The following YWHAE variants were observed in gnomAD, a reference collection of about 807,000 sequenced individuals.
The protein encoded by YWHAE is tyrosine 3-monooxygenase/tryptophan 5-monooxygenase activation protein epsilon.
Under a neutral mutation model 30.1 loss-of-function variants are expected in YWHAE, and 4 were observed. The observed-to-expected ratio is 0.13, with a 90% CI of 0.07 to 0.30. The LOEUF is 0.30. YWHAE is among the 10% of genes least tolerant of loss of function. The pLI is 1.00. For missense variants in YWHAE, 121 were observed against 315.9 expected, an observed-to-expected ratio of 0.38 and a Z score of 4.68; for synonymous variants, 118 against 111.8, an observed-to-expected ratio of 1.06 and a Z score of -0.35.
chr17:1,374,535 C>A (rs1050879612), intron 1 of YWHAE, among the ~76,000 whole-genome samples: 1 of 152,042 alleles, frequency 6.6e-6, no homozygotes, highest in African/African-American at 2.4e-5. Context: ...GGAGCGGCAC[C>A]GTTTTTACAC....
intron 1 of YWHAE, among the ~76,000 whole-genome samples, chr17:1,388,117 G>GTTTTTTTTTTTTTTTTTTTTTT (rs1491196737): frequency 6.1e-5 from 4 of 65,110 alleles, no homozygotes; most frequent in Non-Finnish European, 7.0e-5. Context: ...TTTTTTGGTT[G>GTTTTTTTTTTTTTTTTTTTTTT]GTTTTTTTTT....
chr17:1,390,421 G>A (rs1376764496), intron 1 of YWHAE, among the ~76,000 whole-genome samples: 1 of 152,108 alleles, frequency 6.6e-6, no homozygotes, highest in Non-Finnish European at 1.5e-5. Flanking sequence ...AACTCAAAAA[G>A]GTAGGTTATC....
chr17:1,360,510 T>C (rs1297365068), intron 4 of YWHAE, among the ~76,000 whole-genome samples: 1 of 152,078 alleles, frequency 6.6e-6, no homozygotes, highest in Admixed American at 6.6e-5. Context: ...GCTTGTAATC[T>C]CAGCACTTTG....
chr17:1,357,381 G>C (rs371765556), intron 4 of YWHAE, among the ~76,000 whole-genome samples: 31 of 132,578 alleles, frequency 2.3e-4, no homozygotes, highest in East Asian at 4.4e-4. Flanking sequence ...CCAGCCTGGG[G>C]GACATAGCGA....
chr17:1,362,335 T>C (rs1219133776), intron 2 of YWHAE, among the ~76,000 whole-genome samples: 1 of 152,158 alleles, frequency 6.6e-6, no homozygotes, highest in Non-Finnish European at 1.5e-5. Context: ...TGCTTCTTGG[T>C]AAATGCTGGT....
chr17:1,358,829 T>A (rs77416158), intron 4 of YWHAE, among the ~76,000 whole-genome samples: 10,975 of 111,332 alleles, frequency 0.099, 1,738 homozygotes, highest in African/African-American at 0.33. Context: ...GACTCCATCT[T>A]AAAAAAAAAA....
Position 1,388,117 on chromosome 17 carries a change from G to GTTTT in YWHAE, c.64+11929_64+11930insAAAA, listed in dbSNP as rs1491196737. Among the ~76,000 whole-genome samples the GTTTT allele has an allele frequency of 4.0e-3, 261 of 65,000 alleles. 2 individuals carry two copies. Among genetic ancestry groups the GTTTT allele is most frequent in the Middle Eastern group, 0.024 (2 of 82 alleles). The allele number at this position is 65,000 out of a possible 152,430, so 42.6% of individuals were successfully genotyped here. A position where few individuals can be genotyped will look rare whatever the true frequency, so the allele number is the denominator to read the frequency against. On this transcript the variant is annotated intron_variant, in intron 1 of 5. Coordinates refer to ENST00000264335, the MANE Select transcript of YWHAE (RefSeq NM_006761.5). ...GTAATTTTTGTTTTTTTTTTTGGTT[G>GTTTT]GTTTTTTTTTTTTTTTTTTTTTTTT...
chr17:1,359,017 T>C (rs2072809236), intron 4 of YWHAE, among the ~76,000 whole-genome samples: 1 of 151,460 alleles, frequency 6.6e-6, no homozygotes, highest in African/African-American at 2.4e-5. Context: ...GCGCCTATAA[T>C]CCCAGCTACT....
chr17:1,360,721 G>A (rs951720031), intron 4 of YWHAE, among the ~76,000 whole-genome samples: 1 of 152,084 alleles, frequency 6.6e-6, no homozygotes, highest in African/African-American at 2.4e-5. Flanking sequence ...ATCTGAGATG[G>A]CGCCACTGCA....
At chr17:1,388,550 A>G (rs1238277723) in intron 1 of YWHAE, among the ~76,000 whole-genome samples, 2 of 148,082 alleles carry the variant, frequency 1.4e-5, no homozygotes, top group South Asian at 2.1e-4. Context: ...CTAGGATTAC[A>G]GGCATGAGCA....
chr17:1,349,656 C>A (rs2072588620), intron 5 of YWHAE, among the ~76,000 whole-genome samples: 1 of 151,664 alleles, frequency 6.6e-6, no homozygotes, highest in Admixed American at 6.6e-5. Flanking sequence ...CTCTGTCGCC[C>A]AGGCTGGAGT....
intron 4 of YWHAE, among the ~76,000 whole-genome samples, chr17:1,358,279 G>T (rs1380710237): frequency 6.6e-6 from 1 of 151,900 alleles, no homozygotes; most frequent in South Asian, 2.1e-4. Flanking sequence ...TCGCTCTGTC[G>T]CCCAGGCTGG....
intron 1 of YWHAE, among the ~76,000 whole-genome samples, chr17:1,387,747 C>T (rs955594040): frequency 6.6e-6 from 1 of 151,750 alleles, no homozygotes; most frequent in Non-Finnish European, 1.5e-5. Context: ...CTCAGCCTCC[C>T]GAATAGCTGA....
At chr17:1,370,401 G>A (rs993275397) in intron 1 of YWHAE, among the ~76,000 whole-genome samples, 1 of 151,740 alleles carries the variant, frequency 6.6e-6, no homozygotes, top group African/African-American at 2.4e-5. Flanking sequence ...AAAGTGCTGG[G>A]ATTACAGGCG....
In YWHAE at chr17:1,364,990, G is replaced by C. The variant is rs752067199; in HGVS notation, c.133C>G (p.Leu45Val). 6.2e-7 allele frequency: 1 copy of C among 1,614,092 alleles called. No individual in the cohort carries two copies. Among genetic ancestry groups the C allele is most frequent in the Non-Finnish European group, 8.5e-7 (1 of 1,180,010 alleles). The change falls in exon 2 of 6, where the codon CTA becomes GTA. Residue 45 changes from leucine to valine, a missense_variant. This residue lies in a region of YWHAE where 99 missense variants were observed against 289.3 expected (regional missense o/e 0.34). Coordinates refer to ENST00000264335, the MANE Select transcript of YWHAE (RefSeq NM_006761.5). Reference sequence around the variant, plus strand: ...ATCACATTCTTATATGCAACAGATAGGAGGTTTCTTTCTTCAACTGTCAGC... The same window carrying C: ...ATCACATTCTTATATGCAACAGATACGAGGTTTCTTTCTTCAACTGTCAGC... ...VELTVEERNLLSVAYKNVIGA... is the reference protein window; with the variant it reads ...VELTVEERNLVSVAYKNVIGA...
chr17:1,347,396 G>T (rs190700088), intron 5 of YWHAE, among the ~76,000 whole-genome samples: 27 of 151,664 alleles, frequency 1.8e-4, no homozygotes, highest in African/African-American at 6.5e-4. Flanking sequence ...GCTACTTGGG[G>T]GGCTGAGGTG....
intron 1 of YWHAE, among the ~76,000 whole-genome samples, chr17:1,394,249 G>C (rs543642980): frequency 6.2e-4 from 95 of 152,056 alleles, no homozygotes; most frequent in Non-Finnish European, 1.2e-3. Context: ...CTTCAATCTT[G>C]TTACATAAAT....
chr17:1,382,010 C>T (rs1345113718), intron 1 of YWHAE, among the ~76,000 whole-genome samples: 1 of 150,250 alleles, frequency 6.7e-6, no homozygotes, highest in Non-Finnish European at 1.5e-5. Context: ...AAAGGAGACT[C>T]AAACCACTGA....
chr17:1,369,398 G>A (rs1238649840), intron 1 of YWHAE, among the ~76,000 whole-genome samples: 1 of 152,142 alleles, frequency 6.6e-6, no homozygotes, highest in Non-Finnish European at 1.5e-5. Flanking sequence ...GGAGGCTGAA[G>A]CAAGAGATTT....
Sources: allele counts gnomAD v4.1 joint callset (sites outside exome capture counted in the v4.1 genomes callset), GRCh38; gene constraint gnomAD v4.1.1; regional missense constraint gnomAD v4.1.1; transcripts MANE v1.5; gene names NCBI Gene and HGNC (gene_info 2026-07-23, HGNC 2026-07-21).